The following LRP11 variants were observed in gnomAD, a reference collection of about 807,000 sequenced individuals.
LRP11 encodes LDL receptor related protein 11.
A neutral mutation model predicts 43.1 loss-of-function variants in LRP11; 25 were observed. That is an observed-to-expected ratio of 0.58 (90% CI 0.42 to 0.81). The LOEUF (loss-of-function observed/expected upper bound fraction) is 0.81, where lower values mean the gene tolerates loss of function less well. Among genes scored for constraint, LRP11 ranks in the 30% least tolerant of loss-of-function variants. The pLI is 0.00. For missense variants in LRP11, 623 were observed against 665.1 expected (o/e 0.94, Z 0.70); for synonymous variants, 316 against 299.4 (o/e 1.06, Z -0.57).
At chr6:149,823,216 T>C (rs1399336802) in intron 6 of LRP11, among the ~76,000 whole-genome samples, 1 of 152,098 alleles carries the variant, frequency 6.6e-6, no homozygotes, top group African/African-American at 2.4e-5. Flanking sequence ...TCAAGTGAGG[T>C]GAAGCCTGGA....
At chr6:149,848,065 G>A (rs1251911948) in intron 2 of LRP11, among the ~76,000 whole-genome samples, 1 of 152,160 alleles carries the variant, frequency 6.6e-6, no homozygotes, top group African/African-American at 2.4e-5. Flanking sequence ...CTGAATGGCT[G>A]AGTGCCCTCC....
At chr6:149,834,632 T>C (rs1289417208) in intron 5 of LRP11, among the ~76,000 whole-genome samples, 1 of 152,172 alleles carries the variant, frequency 6.6e-6, no homozygotes, top group Non-Finnish European at 1.5e-5. Flanking sequence ...CTCTTCTCCA[T>C]ACAAACTATC....
chr6:149,860,135 A>T (rs2115424246), intron 1 of LRP11, among the ~76,000 whole-genome samples: 1 of 152,144 alleles, frequency 6.6e-6, no homozygotes, highest in Non-Finnish European at 1.5e-5. Flanking sequence ...GGGAAGGTCA[A>T]CTCTTTTGTT....
rs1583072617 is a variant in LRP11, at chr6:149,819,364, C to T, written c.*1185G>A. 6.6e-6 allele frequency: 1 copy of T among 151,250 alleles called. No individual in the cohort carries two copies. Among genetic ancestry groups the T allele is most frequent in the African/African-American group, 2.4e-5 (1 of 41,178 alleles). 9.4% of individuals were successfully genotyped at this position (151,250 alleles called of 1,614,324 possible). A position where few individuals can be genotyped will look rare whatever the true frequency, so the allele number is the denominator to read the frequency against. The stretch of plus-strand genomic sequence containing the variant: ...GAGTGTAGATAGGCACCATACTATA[C>T]ACTCCTCTCAGAATCATTTCTAGAA... On this transcript the variant is annotated 3_prime_UTR_variant, in exon 7 of 7. Coordinates refer to ENST00000239367, the MANE Select transcript of LRP11 (RefSeq NM_032832.6).
chr6:149,840,586 C>G lies in LRP11; in HGVS notation c.913+2397G>C, dbSNP rs1229055961. 2.0e-5 allele frequency among the ~76,000 whole-genome samples: 3 copies of G among 152,310 alleles called. No homozygotes were observed. The South Asian group carries it at 6.2e-4, about 32-fold the overall frequency. On this transcript the variant is annotated intron_variant, in intron 3 of 6. Transcript: ENST00000239367. ...TGCTGGCCATCTGCTCATATCAGTG[C>G]AGGCCCTTCCTCCCTCCCAGGCACT...
intron 1 of LRP11, among the ~76,000 whole-genome samples, chr6:149,860,371 G>T (rs1241795291): frequency 6.6e-6 from 1 of 151,856 alleles, no homozygotes; most frequent in East Asian, 1.9e-4. Context: ...TGCTCTTCTG[G>T]AATCCTAGCA....
At chr6:149,855,319 T>G (rs1023392514) in intron 1 of LRP11, among the ~76,000 whole-genome samples, 2 of 152,068 alleles carry the variant, frequency 1.3e-5, no homozygotes, top group African/African-American at 4.8e-5. Context: ...CAAGGCCACT[T>G]AAGATTAAAG....
chr6:149,856,930 T>C (rs568382646), intron 1 of LRP11, among the ~76,000 whole-genome samples: 1 of 152,108 alleles, frequency 6.6e-6, no homozygotes, highest in South Asian at 2.1e-4. Context: ...GCGGTCAAAA[T>C]CCATCATGGA....
chr6:149,824,804 G>A (rs1776317841), intron 6 of LRP11, among the ~76,000 whole-genome samples: 1 of 152,234 alleles, frequency 6.6e-6, no homozygotes, highest in South Asian at 2.1e-4. Context: ...AGGCTGCAGT[G>A]AGCTGAGATC....
chr6:149,859,397 T>TATATATATATA (rs1491456220), intron 1 of LRP11, among the ~76,000 whole-genome samples: 7 of 72,982 alleles, frequency 9.6e-5, no homozygotes, highest in South Asian at 1.1e-3. Flanking sequence ...TATATATATA[T>TATATATATATA]TTTTTTTTTT....
At chr6:149,828,494 CT>C (rs5880853) in intron 5 of LRP11, among the ~76,000 whole-genome samples, 2,375 of 145,188 alleles carry the variant, frequency 0.016, 73 homozygotes, top group African/African-American at 0.054. Flanking sequence ...GTTTTATTTT[CT>C]TTTTTTTTTT....
chr6:149,826,240 A>G, intron 6 of LRP11, 24 bp downstream of exon 6: 2 of 1,562,578 alleles, frequency 1.3e-6, no homozygotes, highest in Admixed American at 3.3e-5. Context: ...CAGTCTGCAA[A>G]GGGTTTCCAA....
At chr6:149,845,294 A>G (rs911903454) in intron 2 of LRP11, among the ~76,000 whole-genome samples, 1 of 152,190 alleles carries the variant, frequency 6.6e-6, no homozygotes, top group African/African-American at 2.4e-5. Context: ...CTAACTGAAC[A>G]TTACACAATG....
At chr6:149,830,985 G>A (rs996192161) in intron 5 of LRP11, among the ~76,000 whole-genome samples, 3 of 152,204 alleles carry the variant, frequency 2.0e-5, no homozygotes, top group African/African-American at 4.8e-5. Context: ...CATAAGGAAC[G>A]CCATAGAGAA....
At chr6:149,856,572 T>C (rs1179818441) in intron 1 of LRP11, among the ~76,000 whole-genome samples, 1 of 152,150 alleles carries the variant, frequency 6.6e-6, no homozygotes, top group East Asian at 1.9e-4. Context: ...ACAAAATATA[T>C]GTAATTTTGA....
chr6:149,827,815 G>A lies in LRP11; in HGVS notation c.1253-1456C>T, dbSNP rs76586493. Among the ~76,000 whole-genome samples the A allele has an allele frequency of 6.3e-3, 959 of 152,248 alleles. 13 individuals carry two copies. Among genetic ancestry groups the A allele is most frequent in the African/African-American group, 0.022 (908 of 41,544 alleles). On this transcript the variant is annotated intron_variant, in intron 5 of 6. Coordinates refer to ENST00000239367, the MANE Select transcript of LRP11 (RefSeq NM_032832.6). The surrounding 1 kb of genome is among the most constrained non-coding windows in gnomAD (Gnocchi z 4.2). ...AGATTGTATTACATAAGGGCCGCAC[G>A]CAGTGGCTCATGCCTGGCCAACATG...
chr6:149,859,394 A>ATTTT (rs1194880373), intron 1 of LRP11, among the ~76,000 whole-genome samples: 3 of 73,874 alleles, frequency 4.1e-5, no homozygotes, highest in African/African-American at 2.7e-4. Context: ...ATATATATAT[A>ATTTT]TATTTTTTTT....
chr6:149,851,682 T>C (rs1028979741), intron 2 of LRP11, among the ~76,000 whole-genome samples: 5 of 152,230 alleles, frequency 3.3e-5, no homozygotes, highest in African/African-American at 1.2e-4. Context: ...AGTGAGCTTC[T>C]GCCCTTGGAA....
chr6:149,833,549 A>T (rs866602943), intron 5 of LRP11, among the ~76,000 whole-genome samples: 18 of 152,374 alleles, frequency 1.2e-4, no homozygotes, highest in Middle Eastern at 3.4e-3. Context: ...ATAAATATGT[A>T]TATGTGTATG....
Sources: allele counts gnomAD v4.1 joint callset (sites outside exome capture counted in the v4.1 genomes callset), GRCh38; gene constraint gnomAD v4.1.1; non-coding constraint Gnocchi (gnomAD v3.1); transcripts MANE v1.5; gene names NCBI Gene and HGNC (gene_info 2026-07-23, HGNC 2026-07-21).